Variants in PPP4R1 observed in about 807,000 individuals in gnomAD.
PPP4R1 encodes protein phosphatase 4 regulatory subunit 1.
In PPP4R1, 42 loss-of-function variants were observed where a neutral mutation model predicts 111.2. The ratio of observed to expected loss-of-function variants is 0.38; its 90% CI spans 0.29 to 0.49. PPP4R1 has a LOEUF of 0.49. Ranked by LOEUF, PPP4R1 falls within the 20% of genes least tolerant of loss-of-function variation. The pLI is 0.97. For synonymous variants in PPP4R1, 409 were observed against 405.5 expected, an observed-to-expected ratio of 1.01 and a Z score of -0.10; for missense variants, 1,012 against 1,161.6, an observed-to-expected ratio of 0.87 and a Z score of 1.87.
intron 13 of PPP4R1, among the ~76,000 whole-genome samples, 186 bp from the exon 14 acceptor site, chr18:9,559,790 G>T (rs1273647162): frequency 6.6e-6 from 1 of 151,412 alleles, no homozygotes; most frequent in Non-Finnish European, 1.5e-5. Flanking sequence ...CATGCTAAGG[G>T]AAACATATAT....
chr18:9,572,817 A>G lies in PPP4R1; in HGVS notation c.1047-2134T>C, dbSNP rs117672316. Among the ~76,000 whole-genome samples the G allele has an allele frequency of 7.5e-3, 1,144 of 152,384 alleles. 8 individuals carry two copies. The highest frequency in any genetic ancestry group is 0.011 in the Non-Finnish European group (730 of 68,036). On this transcript the variant is annotated intron_variant, in intron 10 of 19. Coordinates refer to ENST00000400556, the MANE Select transcript of PPP4R1 (RefSeq NM_001042388.3). ...AAACATACGTAAGTCATCTGAAAAC[A>G]TAACACATTGTGACTGCATTTTAAA... is the stretch of plus-strand genomic sequence containing the variant.
intron 4 of PPP4R1, 51 bp downstream of exon 4, chr18:9,593,717 G>T: frequency 1.3e-6 from 2 of 1,490,288 alleles, no homozygotes; most frequent in South Asian, 2.3e-5. Context: ...ACACAAATTT[G>T]ATCAAAGAAG....
intron 2 of PPP4R1, among the ~76,000 whole-genome samples, chr18:9,595,631 T>C (rs2067278662): frequency 6.6e-6 from 1 of 152,218 alleles, no homozygotes; most frequent in African/African-American, 2.4e-5. Context: ...TTGTGCCAAG[T>C]ACTAGGGTAG....
At chr18:9,581,888 A>C (rs981602594) in intron 9 of PPP4R1, among the ~76,000 whole-genome samples, 18 of 152,318 alleles carry the variant, frequency 1.2e-4, no homozygotes, top group African/African-American at 4.3e-4. Context: ...CTGACTTCAC[A>C]GTAGAAACAG....
chr18:9,608,994 G>A (rs975818924), intron 2 of PPP4R1, among the ~76,000 whole-genome samples: 3 of 152,122 alleles, frequency 2.0e-5, no homozygotes, highest in African/African-American at 7.2e-5. Flanking sequence ...GGAGGGGGGA[G>A]GGCAGTGGAT....
At chr18:9,598,487 C>T (rs1449950256) in intron 2 of PPP4R1, among the ~76,000 whole-genome samples, 1 of 152,116 alleles carries the variant, frequency 6.6e-6, no homozygotes, top group Non-Finnish European at 1.5e-5. Flanking sequence ...ATCTAAAATA[C>T]AAGCCAGAAG....
In PPP4R1 at chr18:9,570,241, G is replaced by C. The variant is rs768264780; in HGVS notation, c.1489C>G (p.Pro497Ala). Reference protein sequence around the residue: ...EESEGPVPSSPNITMATRKEL... With the variant: ...EESEGPVPSSANITMATRKEL... ...TTTCTGGTGGCCATGGTGATGTTTG[G>C]AGAACTGGGCACAGGGCCCTCAGAT... Residue 497 changes from proline to alanine, a missense_variant, in exon 11 of 20, where the codon CCA becomes GCA. Pro to Ala is a conservative substitution (Grantham distance 27). Transcript: ENST00000400556. 1 of 1,593,894 alleles carries C rather than the reference G, an allele frequency of 6.3e-7. No individual in the cohort carries two copies. Among genetic ancestry groups the C allele is most frequent in the East Asian group, 2.2e-5 (1 of 44,678 alleles).
At position 9,592,791 on chromosome 18, in the gene PPP4R1, A is replaced by G. The variant is rs150046328; in HGVS notation, c.295+977T>C. Among the ~76,000 whole-genome samples the G allele has an allele frequency of 5.4e-4, 82 of 152,304 alleles. 2 individuals carry two copies. In the East Asian group the frequency reaches 0.014, roughly 27 times the overall value. ...CATAATAGGCTATAACAGTGCCATG[A>G]ATTTATGTTAAATTGTTATTTAACT... On this transcript the variant is annotated intron_variant, in intron 4 of 19. Coordinates refer to ENST00000400556, the MANE Select transcript of PPP4R1 (RefSeq NM_001042388.3).
chr18:9,566,070 C>T (rs1031172074), intron 11 of PPP4R1, among the ~76,000 whole-genome samples: 7 of 151,820 alleles, frequency 4.6e-5, no homozygotes, highest in African/African-American at 1.7e-4. Context: ...ACCATCATGC[C>T]CAGTTAATTT....
At chr18:9,584,023 T>C (rs1489313266) in intron 8 of PPP4R1, among the ~76,000 whole-genome samples, 3 of 152,208 alleles carry the variant, frequency 2.0e-5, no homozygotes, top group African/African-American at 7.2e-5. Context: ...GCAATATTTC[T>C]GGCTATGCAA....
chr18:9,613,589 T>C (rs2067622795), intron 2 of PPP4R1: 1 of 152,140 alleles, frequency 6.6e-6, no homozygotes, highest in Middle Eastern at 3.2e-3. Flanking sequence ...ACATCCGCAT[T>C]AAAGAAATAT....
intron 15 of PPP4R1, among the ~76,000 whole-genome samples, chr18:9,555,230 A>T: frequency 6.6e-6 from 1 of 152,050 alleles, no homozygotes; most frequent in Admixed American, 6.6e-5. Context: ...GAGCTGGGAG[A>T]GGTGGAGGCT....
At chr18:9,562,259 G>C (rs1353550884) in intron 12 of PPP4R1, among the ~76,000 whole-genome samples, 184 bp from the exon 13 acceptor site, 1 of 152,068 alleles carries the variant, frequency 6.6e-6, no homozygotes, top group Non-Finnish European at 1.5e-5. Context: ...TTGCTGAATA[G>C]GTTGTCAAGT....
At chr18:9,595,239 C>T in intron 2 of PPP4R1, 86 bp from the exon 3 acceptor site, 9 of 1,375,536 alleles carry the variant, frequency 6.5e-6, no homozygotes, top group Non-Finnish European at 7.8e-6. Context: ...AAATCTGTTT[C>T]TGGAATGGTA....
intron 2 of PPP4R1, chr18:9,612,322 C>T (rs1427144266): frequency 6.6e-6 from 1 of 152,254 alleles, no homozygotes. Flanking sequence ...CAAAAAGACA[C>T]TGCTAAGACA....
chr18:9,611,041 T>G lies in PPP4R1; in HGVS notation c.52+3185A>C, dbSNP rs2067570768. Among the ~76,000 whole-genome samples, 4 of 152,274 alleles carry G rather than the reference T, an allele frequency of 2.6e-5. No individual in the cohort carries two copies. The South Asian group carries it at 8.3e-4, about 32-fold the overall frequency. ...AATCAAATCGAAAGACCTGAGACTC[T>G]TAGCAATGTCTGGCAATGCCCCTCT... On this transcript the variant is annotated intron_variant, in intron 2 of 19. Coordinates refer to ENST00000400556, the MANE Select transcript of PPP4R1 (RefSeq NM_001042388.3).
chr18:9,600,055 G>C (rs1161630026), intron 2 of PPP4R1, among the ~76,000 whole-genome samples: 1 of 151,990 alleles, frequency 6.6e-6, no homozygotes, highest in Non-Finnish European at 1.5e-5. Flanking sequence ...TACTTAAGAA[G>C]CCTACTCCTA....
chr18:9,588,182 A>G lies in PPP4R1; in HGVS notation c.492T>C (p.Ile164=). The G allele has an allele frequency of 6.2e-7, 1 of 1,614,162 alleles. No individual in the cohort carries two copies. Among genetic ancestry groups the G allele is most frequent in the Non-Finnish European group, 8.5e-7 (1 of 1,180,014 alleles). ...CTTTGGTCTCCACATCAAATCGTTC[A>G]ATGAGCTCCTGCTCCAACAGAGCCA... ...ALLALLEQEL[I]ERFDVETKVC... The change falls in exon 6 of 20, where the codon ATT becomes ATC. Residue 164 remains isoleucine (I), a synonymous_variant. Coordinates refer to ENST00000400556, the MANE Select transcript of PPP4R1 (RefSeq NM_001042388.3).
intron 2 of PPP4R1, among the ~76,000 whole-genome samples, chr18:9,607,923 C>G (rs1253055081): frequency 2.6e-5 from 4 of 151,712 alleles, no homozygotes; most frequent in Non-Finnish European, 5.9e-5. Flanking sequence ...GCTAGGATTA[C>G]AGGCATGCAC....
Sources: gnomAD v4.1 joint callset for allele counts (sites outside exome capture counted in the v4.1 genomes callset) on GRCh38, gnomAD v4.1.1 for gene constraint, MANE v1.5 for transcripts, NCBI Gene and HGNC (gene_info 2026-07-23, HGNC 2026-07-21) for gene names.